MIGA1: variants seen among roughly 807,000 people sequenced by gnomAD.
MIGA1 encodes the protein mitoguardin 1, also known as family with sequence similarity 73, member A.
Under a neutral mutation model 82.0 loss-of-function variants are expected in MIGA1, and 58 were observed. The ratio of observed to expected loss-of-function variants is 0.71; its 90% CI spans 0.57 to 0.88. MIGA1 has a LOEUF of 0.88. MIGA1 is among the 40% of genes least tolerant of loss of function. The pLI is 0.00. For synonymous variants in MIGA1, 249 were observed against 253.6 expected (o/e 0.98, Z 0.17); for missense variants, 751 against 749.1 (o/e 1.00, Z -0.03).
intron 7 of MIGA1, among the ~76,000 whole-genome samples, chr1:77,824,445 C>T (rs1349254979): frequency 6.6e-6 from 1 of 152,032 alleles, no homozygotes; most frequent in Non-Finnish European, 1.5e-5. Flanking sequence ...GTAGTTCTAG[C>T]TAGTCAGGAG....
intron 1 of MIGA1, among the ~76,000 whole-genome samples, chr1:77,780,348 G>A (rs1243606450): frequency 6.6e-6 from 1 of 152,184 alleles, no homozygotes; most frequent in Non-Finnish European, 1.5e-5. Flanking sequence ...CTGTAAAGTT[G>A]TTAAATTATC....
chr1:77,839,746 G>A (rs1414609966), intron 7 of MIGA1, among the ~76,000 whole-genome samples: 3 of 151,766 alleles, frequency 2.0e-5, no homozygotes, highest in Non-Finnish European at 4.4e-5. Flanking sequence ...CTTTTTATTA[G>A]TTTTGTTTTG....
chr1:77,842,859 A>T (rs1684680170), intron 7 of MIGA1, among the ~76,000 whole-genome samples: 1 of 152,160 alleles, frequency 6.6e-6, no homozygotes, highest in African/African-American at 2.4e-5. Flanking sequence ...GTTTTAATTG[A>T]TCAGCTTATC....
intron 2 of MIGA1, among the ~76,000 whole-genome samples, chr1:77,792,850 G>A (rs866656469): frequency 1.7e-4 from 25 of 149,384 alleles, no homozygotes; most frequent in Middle Eastern, 7.0e-3. Context: ...GTGCAGTGGC[G>A]CGATCTCAGC....
chr1:77,794,131 C>G (rs1474845376), intron 2 of MIGA1, among the ~76,000 whole-genome samples: 1 of 152,084 alleles, frequency 6.6e-6, no homozygotes, highest in Non-Finnish European at 1.5e-5. Flanking sequence ...CAAAGAGTTG[C>G]AAAGATTGTA....
chr1:77,802,742 C>T (rs184337655), intron 3 of MIGA1, among the ~76,000 whole-genome samples: 1 of 151,642 alleles, frequency 6.6e-6, no homozygotes, highest in Non-Finnish European at 1.5e-5. Flanking sequence ...GATTGCACCA[C>T]TGCACTCCAG....
chr1:77,860,408 GCCT>G (rs1332689714), intron 11 of MIGA1: 2 of 286,848 alleles, frequency 7.0e-6, no homozygotes, highest in African/African-American at 4.4e-5. Context: ...TATTACTAAT[GCCT>G]CCTCTTTTAT....
chr1:77,829,524 C>T (rs189991285), intron 7 of MIGA1, among the ~76,000 whole-genome samples: 87 of 152,062 alleles, frequency 5.7e-4, no homozygotes, highest in African/African-American at 1.8e-3. Context: ...GCTGGAGTGC[C>T]GCGGCGCGAT....
At chr1:77,866,202 A>C in intron 13 of MIGA1, 136 bp from the exon 14 acceptor site, 1 of 719,362 alleles carries the variant, frequency 1.4e-6, no homozygotes, top group East Asian at 2.8e-5. Context: ...GATGTGAGCC[A>C]CTGTGCCCGG....
At chr1:77,813,258 A>G (rs963973953) in intron 5 of MIGA1, among the ~76,000 whole-genome samples, 2 of 152,146 alleles carry the variant, frequency 1.3e-5, no homozygotes, top group African/African-American at 4.8e-5. Flanking sequence ...CTGGGATTAC[A>G]GTCATGAGCC....
rs1405886837 is a variant in MIGA1 at position 77,807,062 on chromosome 1, A to T, written c.598A>T (p.Asn200Tyr). The T allele has an allele frequency of 6.2e-7, 1 of 1,601,204 alleles. No individual in the cohort carries two copies. The highest frequency in any genetic ancestry group is 1.7e-5 in the Admixed American group (1 of 59,826). ...AGATGAAGATGATATTAAACTTGTT[A>T]ATATTCCTGTGACTACTCCAGAGAA... Residue 200 changes from asparagine to tyrosine, a missense_variant, in exon 5 of 16, where the codon AAT becomes TAT. Physicochemically the swap from Asn to Tyr is moderately radical, Grantham distance 143. Coordinates refer to ENST00000370791, the MANE Select transcript of MIGA1 (RefSeq NM_198549.4).
intron 5 of MIGA1, chr1:77,811,111 A>T: frequency 2.5e-6 from 4 of 1,585,990 alleles, no homozygotes; most frequent in Non-Finnish European, 2.6e-6. Flanking sequence ...CTGGAGCTCA[A>T]TGTCCACATT....
intron 7 of MIGA1, 103 bp downstream of exon 7, chr1:77,815,334 T>TA (rs546971496): frequency 1.2e-3 from 1,065 of 886,598 alleles, no homozygotes; most frequent in Non-Finnish European, 1.4e-3. Context: ...ATAGGTTACT[T>TA]AAAAAAAAAT....
intron 2 of MIGA1, among the ~76,000 whole-genome samples, chr1:77,795,245 G>A (rs1682605379): frequency 6.6e-6 from 1 of 152,140 alleles, no homozygotes; most frequent in Non-Finnish European, 1.5e-5. Context: ...ATTTACAGGT[G>A]TGAGCCACTG....
intron 4 of MIGA1, among the ~76,000 whole-genome samples, chr1:77,805,356 C>T (rs1391882728): frequency 6.6e-6 from 1 of 151,318 alleles, no homozygotes; most frequent in East Asian, 2.0e-4. Context: ...TAAAAATGTA[C>T]TAAATTTTTA....
At chr1:77,813,608 AT>A in intron 5 of MIGA1, 125 bp from the exon 6 acceptor site, 2 of 996,242 alleles carry the variant, frequency 2.0e-6, no homozygotes, top group Non-Finnish European at 3.0e-6. Context: ...GAAATGATGT[AT>A]GATTCTTTAG....
chr1:77,802,020 A>G (rs112550860), intron 3 of MIGA1, among the ~76,000 whole-genome samples: 4 of 152,208 alleles, frequency 2.6e-5, no homozygotes, highest in African/African-American at 9.6e-5. Flanking sequence ...TATTTTGTGT[A>G]TCCTTGTCTA....
Position 77,871,134 on chromosome 1 carries a change from G to C in MIGA1, c.1564-1870G>C, listed in dbSNP as rs1324784972. Among the ~76,000 whole-genome samples the C allele has an allele frequency of 2.1e-5, 3 of 143,782 alleles. 1 individual carries two copies. Among genetic ancestry groups the C allele is most frequent in the African/African-American group, 7.7e-5 (3 of 39,148 alleles). 94.3% of individuals were successfully genotyped at this position (143,782 alleles called of 152,430 possible). On this transcript the variant is annotated intron_variant, in intron 14 of 15. Transcript: ENST00000370791. ...GAGAGGGAGAGGGAGAGGAGGGAGA[G>C]GGAGAGGGCAGCACATTTTCTAGAA...
In MIGA1 at chr1:77,872,985, C is replaced by T. The variant is rs1322832624; in HGVS notation, c.1564-19C>T. The stretch of plus-strand genomic sequence containing the variant: ...ACAAGAAGGTAGAAGTAACTTGATT[C>T]TCCTTTACTTCCCAGCAGATCCCAG... On this transcript the variant is annotated intron_variant, in intron 14 of 15. Transcript: ENST00000370791. The T allele has an allele frequency of 3.7e-6, 6 of 1,613,174 alleles. No homozygotes were observed. The South Asian group carries it at 6.6e-5, about 18-fold the overall frequency.
Sources: allele counts gnomAD v4.1 joint callset (sites outside exome capture counted in the v4.1 genomes callset), GRCh38; gene constraint gnomAD v4.1.1; transcripts MANE v1.5; gene names NCBI Gene and HGNC (gene_info 2026-07-23, HGNC 2026-07-21).